HS6ST3: variants seen among roughly 807,000 people sequenced by gnomAD.
HS6ST3 encodes heparan sulfate 6-O-sulfotransferase 3.
A neutral mutation model predicts 36.7 loss-of-function variants in HS6ST3; 12 were observed. The ratio of observed to expected loss-of-function variants is 0.33; its 90% CI spans 0.21 to 0.53. HS6ST3 has a LOEUF of 0.53. Ranked by LOEUF, HS6ST3 falls within the 20% of genes least tolerant of loss-of-function variation. The pLI is 0.95. For missense variants in HS6ST3, 584 were observed against 640.9 expected (o/e 0.91, Z 0.96); for synonymous variants, 240 against 257.5 (o/e 0.93, Z 0.65).
chr13:96,652,086 AGTT>A (rs1294325326), intron 1 of HS6ST3, among the ~76,000 whole-genome samples: 1 of 152,068 alleles, frequency 6.6e-6, no homozygotes, highest in Non-Finnish European at 1.5e-5. Context: ...TATATAATAT[AGTT>A]GTGTAATACA....
intron 1 of HS6ST3, among the ~76,000 whole-genome samples, chr13:96,511,664 T>A (rs2056050343): frequency 2.0e-5 from 3 of 151,696 alleles, no homozygotes; most frequent in Non-Finnish European, 4.4e-5. Context: ...CATCTCCCGA[T>A]CTATCATTTT....
At chr13:96,811,022 C>T (rs989360117) in intron 1 of HS6ST3, among the ~76,000 whole-genome samples, 1 of 152,102 alleles carries the variant, frequency 6.6e-6, no homozygotes, top group African/African-American at 2.4e-5. Context: ...CCCCCCAACT[C>T]CAATGGGTCT....
chr13:96,615,151 G>T (rs1239732447), intron 1 of HS6ST3, among the ~76,000 whole-genome samples: 1 of 152,034 alleles, frequency 6.6e-6, no homozygotes, highest in Non-Finnish European at 1.5e-5. Context: ...TTAATGGAAT[G>T]AAAAAAACCA....
chr13:96,225,926 A>C (rs930132438), intron 1 of HS6ST3, among the ~76,000 whole-genome samples: 16 of 152,264 alleles, frequency 1.1e-4, no homozygotes, highest in East Asian at 1.9e-4. Flanking sequence ...GAGTCCTGGG[A>C]TAGTAGTATT....
At chr13:96,220,666 G>A (rs1164520811) in intron 1 of HS6ST3, among the ~76,000 whole-genome samples, 8 of 152,108 alleles carry the variant, frequency 5.3e-5, no homozygotes, top group Non-Finnish European at 8.8e-5. Context: ...ATAAATCTGT[G>A]ACATTTTATC....
At chr13:96,648,755 G>A (rs2056597717) in intron 1 of HS6ST3, among the ~76,000 whole-genome samples, 1 of 151,968 alleles carries the variant, frequency 6.6e-6, no homozygotes, top group Non-Finnish European at 1.5e-5. Flanking sequence ...TGCGGTGTTT[G>A]GTTTTCTGTT....
intron 1 of HS6ST3, among the ~76,000 whole-genome samples, chr13:96,129,868 C>A (rs955797577): frequency 2.6e-5 from 4 of 152,130 alleles, no homozygotes; most frequent in African/African-American, 9.7e-5. Context: ...CCCTTAGAAG[C>A]ACCAACTCTG....
chr13:96,180,621 A>T (rs1478975702), intron 1 of HS6ST3, among the ~76,000 whole-genome samples: 2 of 152,244 alleles, frequency 1.3e-5, no homozygotes, highest in African/African-American at 4.8e-5. Context: ...CATCAAAACA[A>T]TAAGAATGAT....
At chr13:96,326,250 A>G (rs1180339898) in intron 1 of HS6ST3, among the ~76,000 whole-genome samples, 4 of 151,170 alleles carry the variant, frequency 2.6e-5, no homozygotes, top group Non-Finnish European at 5.9e-5. Context: ...ATATGTATAC[A>G]TGTGCCATGT....
At chr13:96,154,550 T>A (rs1332518227) in intron 1 of HS6ST3, among the ~76,000 whole-genome samples, 3 of 152,130 alleles carry the variant, frequency 2.0e-5, no homozygotes, top group Admixed American at 6.5e-5. Flanking sequence ...ATATTCTTAC[T>A]CTTAGTATTA....
intron 1 of HS6ST3, among the ~76,000 whole-genome samples, chr13:96,703,040 G>T (rs1875329054): frequency 6.6e-6 from 1 of 152,216 alleles, no homozygotes; most frequent in Admixed American, 6.5e-5. Context: ...TGGAATTATA[G>T]AATCTCCAAG....
chr13:96,091,035 C>G lies in HS6ST3; in HGVS notation c.173C>G (p.Ala58Gly), dbSNP rs773030031. The G allele has an allele frequency of 5.6e-6, 7 of 1,248,852 alleles. No homozygotes were observed. Among genetic ancestry groups the G allele is most frequent in the Admixed American group, 4.3e-5 (1 of 23,246 alleles). 77.4% of individuals were successfully genotyped at this position (1,248,852 alleles called of 1,614,324 possible). ...GCCGTCCCGGGTCCCGCCCGCCGGG[C>G]TCAGGCGCCGCCGGAGGAGTGGGAG... ...PPAVPGPARRAQAPPEEWERR... is the reference protein window; with the variant it reads ...PPAVPGPARRGQAPPEEWERR... Residue 58 changes from alanine to glycine, a missense_variant, in exon 1 of 2, where the codon GCT becomes GGT. Transcript: ENST00000376705.
At chr13:96,723,598 T>A (rs545650266) in intron 1 of HS6ST3, among the ~76,000 whole-genome samples, 1 of 152,368 alleles carries the variant, frequency 6.6e-6, no homozygotes, top group East Asian at 1.9e-4. Context: ...TTTTCATTAG[T>A]ACCTTTAAAC....
chr13:96,599,938 T>G (rs1458949259), intron 1 of HS6ST3, among the ~76,000 whole-genome samples: 2 of 152,156 alleles, frequency 1.3e-5, no homozygotes, highest in Non-Finnish European at 2.9e-5. Flanking sequence ...ATTTGTATAC[T>G]TTTGTGAGTT....
intron 1 of HS6ST3, among the ~76,000 whole-genome samples, chr13:96,151,405 GAAAAA>G (rs57166825): frequency 7.1e-6 from 1 of 141,712 alleles, no homozygotes; most frequent in African/African-American, 2.6e-5. Flanking sequence ...CTCCATCTTG[GAAAAA>G]AAAAAAAAAA....
At chr13:96,325,521 A>C (rs543657161) in intron 1 of HS6ST3, among the ~76,000 whole-genome samples, 9 of 152,198 alleles carry the variant, frequency 5.9e-5, no homozygotes, top group Non-Finnish European at 1.2e-4. Context: ...CATGGCAGTT[A>C]TATTTTATTG....
At chr13:96,670,879 G>T (rs991736541) in intron 1 of HS6ST3, among the ~76,000 whole-genome samples, 3 of 152,042 alleles carry the variant, frequency 2.0e-5, no homozygotes, top group African/African-American at 7.2e-5. Context: ...CTTTCTGCTG[G>T]GCAGACACAG....
intron 1 of HS6ST3, among the ~76,000 whole-genome samples, chr13:96,630,287 A>G (rs957315708): frequency 2.0e-5 from 3 of 152,048 alleles, no homozygotes; most frequent in Non-Finnish European, 4.4e-5. Context: ...TTTTATTAGA[A>G]TGACCTTGAG....
chr13:96,091,019 G>T lies in HS6ST3; in HGVS notation c.157G>T (p.Gly53Cys), dbSNP rs2053759606. 1.6e-6 allele frequency: 2 copies of T among 1,259,486 alleles called. No individual in the cohort carries two copies. The highest frequency in any genetic ancestry group is 4.1e-5 in the Admixed American group (1 of 24,600). 78.0% of individuals were successfully genotyped at this position (1,259,486 alleles called of 1,614,324 possible). A position where few individuals can be genotyped will look rare whatever the true frequency, so the allele number is the denominator to read the frequency against. ...AGEAGPPAVP[G>C]PARRAQAPPE... ...GGAGGCCGGCCCGCCCGCCGTCCCG[G>T]GTCCCGCCCGCCGGGCTCAGGCGCC... is the stretch of plus-strand genomic sequence containing the variant. Residue 53 changes from glycine to cysteine, a missense_variant, in exon 1 of 2, where the codon GGT (glycine) becomes TGT (cysteine). Around this residue, in one of 3 missense-constraint regions of HS6ST3, gnomAD observed 217 missense variants for 205.4 expected, o/e 1.06. Transcript: ENST00000376705.
Sources: allele counts gnomAD v4.1 joint callset (sites outside exome capture counted in the v4.1 genomes callset), GRCh38; gene constraint gnomAD v4.1.1; regional missense constraint gnomAD v4.1.1; transcripts MANE v1.5; gene names NCBI Gene and HGNC (gene_info 2026-07-23, HGNC 2026-07-21).